WASHC4: variants seen among roughly 807,000 people sequenced by gnomAD.
WASHC4 encodes the protein WASH complex subunit 7.
In WASHC4, 86 loss-of-function variants were observed where a neutral mutation model predicts 166.6. That is an observed-to-expected ratio of 0.52 (90% CI 0.43 to 0.62). The LOEUF is 0.62. Among genes scored for constraint, WASHC4 ranks in the 20% least tolerant of loss-of-function variants. The probability of loss-of-function intolerance (pLI) is 0.00; values close to 1 mark genes in which losing one functional copy is unlikely to be tolerated. For synonymous variants in WASHC4, 446 were observed against 451.6 expected, an observed-to-expected ratio of 0.99 and a Z score of 0.16; for missense variants, 1,262 against 1,382.4, an observed-to-expected ratio of 0.91 and a Z score of 1.38.
chr12:105,114,141 A>G, intron 2 of WASHC4, 75 bp from the exon 3 acceptor site: 1 of 1,313,052 alleles, frequency 7.6e-7, no homozygotes, highest in East Asian at 2.4e-5. Flanking sequence ...GAATAAAGCT[A>G]GCCTCAATTT....
chr12:105,119,165 G>A (rs1054483798), intron 7 of WASHC4, among the ~76,000 whole-genome samples: 1 of 152,122 alleles, frequency 6.6e-6, no homozygotes, highest in African/African-American at 2.4e-5. Flanking sequence ...CTGGGAGCTT[G>A]GAGAAGAAGC....
chr12:105,133,927 T>G (rs1454259406), intron 14 of WASHC4, 31 bp downstream of exon 14: 1 of 1,601,844 alleles, frequency 6.2e-7, no homozygotes, highest in African/African-American at 1.3e-5. Context: ...GGAATCATTT[T>G]TTTGTTAATC....
At chr12:105,108,223 G>A (rs1303147148) in intron 1 of WASHC4, among the ~76,000 whole-genome samples, 1 of 152,212 alleles carries the variant, frequency 6.6e-6, no homozygotes, top group Admixed American at 6.5e-5. Context: ...TGGCCTCTTG[G>A]GGATTTCGCC....
intron 24 of WASHC4, chr12:105,147,389 T>C: frequency 3.9e-6 from 2 of 513,180 alleles, no homozygotes; most frequent in Non-Finnish European, 7.0e-6. Context: ...TTATAAATAG[T>C]GCTAGATATT....
intron 1 of WASHC4, among the ~76,000 whole-genome samples, chr12:105,108,169 C>G (rs936948449): frequency 5.3e-5 from 8 of 152,170 alleles, no homozygotes; most frequent in African/African-American, 1.4e-4. Context: ...CGGGGCGCGC[C>G]CGGGAGGCCC....
intron 15 of WASHC4, 27 bp from the exon 16 acceptor site, chr12:105,140,267 C>A (rs1393303272): frequency 6.5e-7 from 1 of 1,542,510 alleles, no homozygotes; most frequent in South Asian, 1.1e-5. Flanking sequence ...AGTTGATTGT[C>A]AGAAAATTAT....
chr12:105,140,781 GA>G, intron 16 of WASHC4, 117 bp from the exon 17 acceptor site: 2 of 1,000,336 alleles, frequency 2.0e-6, no homozygotes, highest in Non-Finnish European at 1.5e-6. Context: ...CTTAAATGGG[GA>G]AAGTATTTGT....
At chr12:105,144,647 T>A in intron 21 of WASHC4, 71 bp from the exon 22 acceptor site, 1 of 1,414,596 alleles carries the variant, frequency 7.1e-7, no homozygotes, top group Non-Finnish European at 9.8e-7. Context: ...CAAGTTGTTG[T>A]TTTTTCCTTT....
At chr12:105,152,017 A>C (rs570299911) in intron 25 of WASHC4, among the ~76,000 whole-genome samples, 1 of 152,240 alleles carries the variant, frequency 6.6e-6, no homozygotes, top group South Asian at 2.1e-4. Context: ...AGCCCACAGA[A>C]ACTTGGTCAC....
chr12:105,114,757 A>G (rs1459422203), intron 4 of WASHC4, among the ~76,000 whole-genome samples: 3 of 152,074 alleles, frequency 2.0e-5, no homozygotes, highest in Admixed American at 6.6e-5. Context: ...GTTACCTGCC[A>G]TATATACTGG....
chr12:105,153,125 A>G (rs1184901401), intron 26 of WASHC4, among the ~76,000 whole-genome samples: 4 of 152,224 alleles, frequency 2.6e-5, no homozygotes, highest in Non-Finnish European at 5.9e-5. Flanking sequence ...AACCAGGGTT[A>G]TTTAGCTATA....
chr12:105,162,912 C>G (rs567363792), intron 30 of WASHC4, 67 bp downstream of exon 30: 2 of 819,480 alleles, frequency 2.4e-6, no homozygotes, highest in African/African-American at 1.7e-5. Flanking sequence ...TTAGAAACAT[C>G]TGCTTGAGAA....
chr12:105,115,560 A>G (rs1288538914), intron 5 of WASHC4, 101 bp from the exon 6 acceptor site: 3 of 820,584 alleles, frequency 3.7e-6, no homozygotes, highest in Non-Finnish European at 6.4e-6. Context: ...TGCAGAGTAA[A>G]AGATGTCCTA....
At chr12:105,125,411 T>G (rs368997704) in intron 10 of WASHC4, among the ~76,000 whole-genome samples, 1 of 152,204 alleles carries the variant, frequency 6.6e-6, no homozygotes, top group Admixed American at 6.5e-5. Context: ...AATTGACTTA[T>G]GTTATCCATA....
intron 1 of WASHC4, among the ~76,000 whole-genome samples, chr12:105,109,242 T>C (rs1879410275): frequency 6.6e-6 from 1 of 152,162 alleles, no homozygotes; most frequent in Non-Finnish European, 1.5e-5. Context: ...GTCATATATG[T>C]TTTATGGACA....
Position 105,157,314 on chromosome 12 carries a change from A to G in WASHC4, c.2904A>G (p.Lys968=). Residue 968 remains lysine (K), a synonymous_variant, in exon 28 of 33, where the codon AAA becomes AAG. Coordinates refer to ENST00000332180, the MANE Select transcript of WASHC4 (RefSeq NM_015275.3). ...AAGGTCTTGCAGAAGAAACATTAAA[A>G]GCAGCAAGGTAATCTAAATTTGGAA... ...KEEGLAEETL[K]AARHLDSVLS... 1 of 1,529,584 alleles carries G rather than the reference A, an allele frequency of 6.5e-7. No homozygotes were observed. The highest frequency in any genetic ancestry group is 1.7e-5 in the Admixed American group (1 of 59,868). 94.8% of individuals were successfully genotyped at this position (1,529,584 alleles called of 1,614,324 possible).
At chr12:105,153,261 G>A (rs1001616013) in intron 26 of WASHC4, among the ~76,000 whole-genome samples, 1 of 152,164 alleles carries the variant, frequency 6.6e-6, no homozygotes, top group Non-Finnish European at 1.5e-5. Context: ...CATTTACTAA[G>A]CATCTGTTAT....
At chr12:105,120,476 G>C (rs917948038) in intron 7 of WASHC4, 79 bp from the exon 8 acceptor site, 25 of 825,916 alleles carry the variant, frequency 3.0e-5, no homozygotes, top group Non-Finnish European at 4.6e-5. Context: ...AAGATCATCT[G>C]CTCCTGTATG....
intron 23 of WASHC4, 139 bp from the exon 24 acceptor site, chr12:105,146,903 C>A: frequency 1.5e-6 from 1 of 687,406 alleles, no homozygotes; most frequent in Non-Finnish European, 2.7e-6. Context: ...ATTAAGGATA[C>A]TCACCTGTAC....
Sources: allele counts gnomAD v4.1 joint callset (sites outside exome capture counted in the v4.1 genomes callset), GRCh38; gene constraint gnomAD v4.1.1; transcripts MANE v1.5; gene names NCBI Gene and HGNC (gene_info 2026-07-23, HGNC 2026-07-21).